The following BRWD3 variants were observed in gnomAD, a reference collection of about 807,000 sequenced individuals.
BRWD3 encodes bromodomain and WD repeat domain containing 3, also known as bromodomain and WD repeat-containing protein 3.
A neutral mutation model predicts 149.7 loss-of-function variants in BRWD3; 10 were observed. The ratio of observed to expected loss-of-function variants is 0.07; its 90% CI spans 0.04 to 0.11. The LOEUF (loss-of-function observed/expected upper bound fraction) is 0.11. Among genes scored for constraint, BRWD3 ranks in the 10% least tolerant of loss-of-function variants. The pLI is 1.00. For missense variants in BRWD3, 940 were observed against 1,373.2 expected (o/e 0.68, Z 4.99); for synonymous variants, 504 against 456.7 (o/e 1.10, Z -1.32).
intron 4 of BRWD3, among the ~76,000 whole-genome samples, 189 bp downstream of exon 4, chrX:80,808,350 G>A (rs1009855896): frequency 5.5e-5 from 6 of 109,088 alleles, no homozygotes; most frequent in African/African-American, 2.0e-4. Context: ...GTGGAAACAA[G>A]CAGGGCCAAG....
chrX:80,801,334 C>A (rs2074295327), intron 4 of BRWD3, among the ~76,000 whole-genome samples: 1 of 100,923 alleles, frequency 9.9e-6, no homozygotes, highest in Non-Finnish European at 2.0e-5. Context: ...GATTCTCCTG[C>A]CTCAGCCTCT....
At chrX:80,794,890 C>T (rs1473396288) in intron 4 of BRWD3, among the ~76,000 whole-genome samples, 1 of 111,324 alleles carries the variant, frequency 9.0e-6, no homozygotes, top group Admixed American at 9.6e-5. Flanking sequence ...AGATTCTATA[C>T]AAATGATAAG....
chrX:80,697,323 TTTTTG>T (rs1306269812), intron 25 of BRWD3, among the ~76,000 whole-genome samples: 1 of 111,481 alleles, frequency 9.0e-6, no homozygotes, highest in Non-Finnish European at 1.9e-5. Flanking sequence ...TTTTTTGTTG[TTTTTG>T]TTTTACTTCA....
At chrX:80,770,143 T>C (rs12798365) in intron 6 of BRWD3, among the ~76,000 whole-genome samples, 1 of 111,091 alleles carries the variant, frequency 9.0e-6, no homozygotes, top group Non-Finnish European at 1.9e-5. Context: ...CAGGACCAGA[T>C]AGATTCACAG....
chrX:80,694,579 C>G (rs1326125036), intron 27 of BRWD3, among the ~76,000 whole-genome samples: 1 of 111,516 alleles, frequency 9.0e-6, no homozygotes, highest in African/African-American at 3.3e-5. Context: ...TGGAGCTGCC[C>G]AAGAGCATGG....
chrX:80,771,099 T>C (rs955806528), intron 6 of BRWD3, among the ~76,000 whole-genome samples: 13 of 111,095 alleles, frequency 1.2e-4, no homozygotes, highest in African/African-American at 4.3e-4. Flanking sequence ...CGAAATAAAG[T>C]AGGACACAAA....
intron 15 of BRWD3, 109 bp from the exon 16 acceptor site, chrX:80,723,985 A>T: frequency 1.1e-6 from 1 of 896,966 alleles, no homozygotes; most frequent in Non-Finnish European, 1.6e-6. Flanking sequence ...CAAACATTCC[A>T]AAGTACTCTC....
At chrX:80,741,733 C>T (rs2073509716) in intron 8 of BRWD3, among the ~76,000 whole-genome samples, 1 of 111,942 alleles carries the variant, frequency 8.9e-6, no homozygotes, top group African/African-American at 3.3e-5. Context: ...TCTTCATATC[C>T]TTCGCCTACT....
At chrX:80,791,241 G>A (rs1026981583) in intron 6 of BRWD3, among the ~76,000 whole-genome samples, 6 of 111,695 alleles carry the variant, frequency 5.4e-5, no homozygotes, top group African/African-American at 9.7e-5. Flanking sequence ...TTAGAAGAGC[G>A]AGAAAGTAAT....
chrX:80,801,855 C>A (rs1304751419), intron 4 of BRWD3, among the ~76,000 whole-genome samples: 1 of 109,498 alleles, frequency 9.1e-6, no homozygotes, highest in Non-Finnish European at 1.9e-5. Context: ...AAATAAATCT[C>A]AATAATATAT....
chrX:80,696,920 A>G (rs2072708261), intron 25 of BRWD3, 57 bp from the exon 26 acceptor site: 1 of 1,016,462 alleles, frequency 9.8e-7, no homozygotes, highest in African/African-American at 1.9e-5. Context: ...TAACATTTGT[A>G]TAATATTTCA....
rs1477663410 is a variant in BRWD3, at chrX:80,716,208, G to A, written c.2274C>T (p.Ile758=). The A allele has an allele frequency of 8.3e-7, 1 of 1,210,025 alleles. No individual in the cohort carries two copies. Among genetic ancestry groups the A allele is most frequent in the Admixed American group, 2.2e-5 (1 of 46,015 alleles). Residue 758 remains isoleucine, a synonymous_variant, in exon 20 of 41, where the codon ATC becomes ATT. Coordinates refer to ENST00000373275, the MANE Select transcript of BRWD3 (RefSeq NM_153252.5). ...ECRTAKGDIE[I]SLYTVEKKKK... Reference sequence around the variant, plus strand: ...TCTTCTTTTCAACTGTATAAAGACTGATTTCTATGTCACCTTTTGCAGTTC... The same window carrying A: ...TCTTCTTTTCAACTGTATAAAGACTAATTTCTATGTCACCTTTTGCAGTTC...
intron 4 of BRWD3, among the ~76,000 whole-genome samples, chrX:80,803,254 C>T (rs1051192085): frequency 1.8e-5 from 2 of 110,895 alleles, no homozygotes; most frequent in Non-Finnish European, 3.8e-5. Context: ...AGTAGTAAAA[C>T]AAAAACTAAA....
intron 15 of BRWD3, among the ~76,000 whole-genome samples, chrX:80,724,385 G>A (rs1234438894): frequency 9.0e-6 from 1 of 111,414 alleles, no homozygotes; most frequent in African/African-American, 3.3e-5. Flanking sequence ...TTCTTAAGAG[G>A]ATATTAGTAT....
intron 7 of BRWD3, among the ~76,000 whole-genome samples, chrX:80,744,738 C>G (rs948713031): frequency 9.9e-5 from 11 of 111,555 alleles, no homozygotes; most frequent in African/African-American, 3.6e-4. Flanking sequence ...GAAGAGTGAA[C>G]AGTAAAAAGC....
At chrX:80,700,889 T>C (rs868691284) in intron 24 of BRWD3, among the ~76,000 whole-genome samples, 1 of 111,355 alleles carries the variant, frequency 9.0e-6, no homozygotes, top group South Asian at 3.8e-4. Context: ...ACATAGGTTA[T>C]ATGCAAATAC....
chrX:80,682,457 A>G lies in BRWD3; in HGVS notation c.4397+8T>C. The G allele has an allele frequency of 8.3e-7, 1 of 1,208,195 alleles. No homozygotes were observed. Among genetic ancestry groups the G allele is most frequent in the African/African-American group, 1.7e-5 (1 of 57,697 alleles). ...AGAACAAAAAATGTTGCATCAATGTAATGATACCTAGGTGCTCCACTACTA... is the reference window on the plus strand; with the variant it reads ...AGAACAAAAAATGTTGCATCAATGTGATGATACCTAGGTGCTCCACTACTA... On this transcript the variant is annotated splice_region_variant and intron_variant, in intron 38 of 40. Coordinates refer to ENST00000373275, the MANE Select transcript of BRWD3 (RefSeq NM_153252.5).
At chrX:80,712,410 C>T (rs1333298625) in intron 20 of BRWD3, among the ~76,000 whole-genome samples, 6 of 110,440 alleles carry the variant, frequency 5.4e-5, no homozygotes, top group Non-Finnish European at 7.6e-5. Context: ...CTCGGCCTCC[C>T]GAGGTGCCGG....
At chrX:80,682,687 A>G in intron 37 of BRWD3, 59 bp from the exon 38 acceptor site, 2 of 1,063,725 alleles carry the variant, frequency 1.9e-6, no homozygotes, top group Non-Finnish European at 2.6e-6. Context: ...AAAGGTATAA[A>G]CATGCCTAGA....
Sources: allele counts gnomAD v4.1 joint callset (sites outside exome capture counted in the v4.1 genomes callset), GRCh38; gene constraint gnomAD v4.1.1; transcripts MANE v1.5; gene names NCBI Gene and HGNC (gene_info 2026-07-23, HGNC 2026-07-21).